Variants in TRIM49B observed in about 807,000 individuals in gnomAD.
TRIM49B encodes the protein putative tripartite motif-containing protein 49B.
Under a neutral mutation model 31.8 loss-of-function variants are expected in TRIM49B, and 18 were observed. The ratio of observed to expected loss-of-function variants is 0.57; its 90% CI spans 0.39 to 0.84. The LOEUF is 0.84. Among genes scored for constraint, TRIM49B ranks in the 40% least tolerant of loss-of-function variants. The pLI, the probability that TRIM49B is intolerant of heterozygous loss-of-function variation, is 0.00. For synonymous variants in TRIM49B, 196 were observed against 180.6 expected (o/e 1.09, Z -0.68); for missense variants, 494 against 538.7 (o/e 0.92, Z 0.82).
rs1565091936 is a variant in TRIM49B, at chr11:49,032,340, AT to A, written c.477del (p.Asn159LysfsTer14). On this transcript the variant is annotated frameshift_variant, in exon 3 of 7. Transcript: ENST00000332682. LOFTEE classifies it high-confidence loss of function. ...GCTTGTGAAAATCACAGAAACCTGAATGTGGAAACCACCAGAACCAGATGCT... is the reference window on the plus strand; with the variant it reads ...GCTTGTGAAAATCACAGAAACCTGAAGTGGAAACCACCAGAACCAGATGCT... ...EKACENHRNL[N>X]VETTRTRCWK... 1 of 1,613,474 alleles carries A rather than the reference AT, an allele frequency of 6.2e-7. No homozygotes were observed. Among genetic ancestry groups the A allele is most frequent in the East Asian group, 2.2e-5 (1 of 44,838 alleles).
At chr11:49,030,286 G>A (rs1448851423) in intron 1 of TRIM49B, among the ~76,000 whole-genome samples, 1 of 152,036 alleles carries the variant, frequency 6.6e-6, no homozygotes, top group Admixed American at 6.6e-5. Flanking sequence ...ACAGTGAGCC[G>A]AGATCACGCC....
intron 5 of TRIM49B, among the ~76,000 whole-genome samples, chr11:49,036,088 A>AG (rs1316881153): frequency 6.6e-6 from 1 of 151,716 alleles, no homozygotes. Flanking sequence ...GGCAAAAAAA[A>AG]AGAAGGATCA....
In TRIM49B at chr11:49,035,097, T is replaced by G. The variant is rs767925561; in HGVS notation, c.741T>G (p.Ala247=). Residue 247 remains alanine, a splice_region_variant and synonymous_variant, in exon 5 of 7, where the codon GCT becomes GCG. Coordinates refer to ENST00000332682, the MANE Select transcript of TRIM49B (RefSeq NM_001206626.2). The part of the protein sequence containing the change: ...CHKPDVELLQ[A]FGDILHRSES... ...TCTCTTTTTTTTTTTTTTTTCAGGC[T>G]TTTGGAGACATATTACACAGGTGAG... 9 of 1,589,578 alleles carry G rather than the reference T, an allele frequency of 5.7e-6. No individual in the cohort carries two copies. The highest frequency in any genetic ancestry group is 7.7e-6 in the Non-Finnish European group (9 of 1,164,986).
In TRIM49B at chr11:49,032,261, A is replaced by G. The variant is rs773796665; in HGVS notation, c.412-15A>G. 45 of 1,612,608 alleles carry G rather than the reference A, an allele frequency of 2.8e-5. No individual in the cohort carries two copies. The highest frequency in any genetic ancestry group is 3.7e-5 in the Non-Finnish European group (44 of 1,179,796). On this transcript the variant is annotated splice_polypyrimidine_tract_variant and intron_variant, in intron 2 of 6. Transcript: ENST00000332682. ...ATGGTCTGCACTGGTGCTTCAATTTATGGCTCTTTTGCAGGAGAAGCTTTT... is the reference window on the plus strand; with the variant it reads ...ATGGTCTGCACTGGTGCTTCAATTTGTGGCTCTTTTGCAGGAGAAGCTTTT...
chr11:49,037,717 C>T lies in TRIM49B; in HGVS notation c.1099C>T (p.Gln367Ter). Residue 367 changes from glutamine (Q) to a stop codon, truncating the protein, a stop_gained, in exon 7 of 7, where the codon CAG (glutamine) becomes TAG (stop). Transcript: ENST00000332682. LOFTEE classifies it low-confidence loss of function (END_TRUNC). The stretch of plus-strand genomic sequence containing the variant: ...TAATATGTATTGGAAAGAGAAGAAT[C>T]AGAATGAGAAGATAGATGGAGAGGA... ...VCNMYWKEKN[Q>*]NEKIDGEDGL... 6.2e-7 allele frequency: 1 copy of T among 1,613,864 alleles called. No individual in the cohort carries two copies. Among genetic ancestry groups the T allele is most frequent in the African/African-American group, 1.3e-5 (1 of 74,984 alleles).
chr11:49,037,070 A>G (rs1854540358), intron 6 of TRIM49B, among the ~76,000 whole-genome samples: 2 of 152,210 alleles, frequency 1.3e-5, no homozygotes, highest in African/African-American at 4.8e-5. Context: ...GTAAATATGG[A>G]CTTTTATCCA....
intron 1 of TRIM49B, among the ~76,000 whole-genome samples, chr11:49,029,640 T>A (rs4291676): frequency 6.6e-6 from 1 of 152,112 alleles, no homozygotes; most frequent in Middle Eastern, 3.2e-3. Flanking sequence ...GAAGTGATAT[T>A]AAACTAGCAG....
At chr11:49,032,185 C>A (rs1050489088) in intron 2 of TRIM49B, 91 bp from the exon 3 acceptor site, 3 of 1,608,578 alleles carry the variant, frequency 1.9e-6, no homozygotes, top group Non-Finnish European at 2.5e-6. Flanking sequence ...AAAGGAAATG[C>A]CATTTACTAG....
intron 1 of TRIM49B, among the ~76,000 whole-genome samples, chr11:49,030,054 C>A (rs1854425876): frequency 6.6e-6 from 1 of 152,156 alleles, no homozygotes; most frequent in Non-Finnish European, 1.5e-5. Flanking sequence ...AACCACCTGG[C>A]TGGGCACTGT....
At chr11:49,033,266 G>T (rs1854476920) in intron 3 of TRIM49B, among the ~76,000 whole-genome samples, 1 of 152,114 alleles carries the variant, frequency 6.6e-6, no homozygotes, top group Non-Finnish European at 1.5e-5. Flanking sequence ...GAATAATCAA[G>T]CAGGGAAGTA....
chr11:49,036,506 A>G (rs1490034352), intron 6 of TRIM49B, 108 bp downstream of exon 6: 4 of 681,826 alleles, frequency 5.9e-6, no homozygotes, highest in South Asian at 4.0e-5. Flanking sequence ...CTTTTAAGAC[A>G]TAAGTGAACA....
rs1485334388 is a variant in TRIM49B at position 49,037,797 on chromosome 11, C to T, written c.1179C>T (p.Thr393=). The T allele has an allele frequency of 2.5e-6, 4 of 1,613,874 alleles. No homozygotes were observed. Among genetic ancestry groups the T allele is most frequent in the Non-Finnish European group, 3.4e-6 (4 of 1,179,856 alleles). Reference sequence around the variant, plus strand: ...ATGACATTCAACGCAGTCTCTTTACCACCTCCCCACTTCTGCTGCAATATA... The same window carrying T: ...ATGACATTCAACGCAGTCTCTTTACTACCTCCCCACTTCTGCTGCAATATA... ...VKNDIQRSLF[T]TSPLLLQYIP... The change falls in exon 7 of 7, where the codon ACC becomes ACT. Residue 393 remains threonine, a synonymous_variant. Coordinates refer to ENST00000332682, the MANE Select transcript of TRIM49B (RefSeq NM_001206626.2).
At chr11:49,033,254 G>C (rs1342708866) in intron 3 of TRIM49B, among the ~76,000 whole-genome samples, 1 of 152,100 alleles carries the variant, frequency 6.6e-6, no homozygotes, top group African/African-American at 2.4e-5. Flanking sequence ...TTTTTTGTTG[G>C]AGAATAATCA....
rs780376978 is a variant in TRIM49B at position 49,034,188 on chromosome 11, C to G, written c.550C>G (p.Gln184Glu). ...LRLEAIRAEY[Q>E]KMPAFHHEEE... Reference sequence around the variant, plus strand: ...GCTAGAAGCAATTAGAGCTGAGTATCAGAAGATGCCTGCATTTCACCATGA... The same window carrying G: ...GCTAGAAGCAATTAGAGCTGAGTATGAGAAGATGCCTGCATTTCACCATGA... The change falls in exon 4 of 7, where the codon CAG becomes GAG. Residue 184 changes from glutamine to glutamate, a missense_variant. By Grantham distance (29) the Gln-to-Glu change is conservative (BLOSUM62 2). Coordinates refer to ENST00000332682, the MANE Select transcript of TRIM49B (RefSeq NM_001206626.2). 28 of 1,611,736 alleles carry G rather than the reference C, an allele frequency of 1.7e-5. No individual in the cohort carries two copies. The highest frequency in any genetic ancestry group is 6.6e-5 in the South Asian group (6 of 90,970).
chr11:49,030,255 C>T (rs1047527201), intron 1 of TRIM49B, among the ~76,000 whole-genome samples: 20 of 152,134 alleles, frequency 1.3e-4, no homozygotes, highest in Non-Finnish European at 2.9e-4. Flanking sequence ...GAGAATCACT[C>T]TGAACCTGGA....
chr11:49,035,168 T>C lies in TRIM49B; in HGVS notation c.761+51T>C. On this transcript the variant is annotated intron_variant, in intron 5 of 6. Transcript: ENST00000332682. Reference sequence around the variant, plus strand: ...TATGTTCTTTAAGATTCCACGACTATCAAAGCAGGCTTTATTAAAGTCATG... The same window carrying C: ...TATGTTCTTTAAGATTCCACGACTACCAAAGCAGGCTTTATTAAAGTCATG... 5.0e-6 allele frequency: 8 copies of C among 1,605,674 alleles called. No individual in the cohort carries two copies. The South Asian group carries it at 7.8e-5, about 16-fold the overall frequency.
At position 49,035,339 on chromosome 11, in the gene TRIM49B, A is replaced by ATTTTTTTTTTTTTTTTTTTTT. The variant is rs1162056301; in HGVS notation, c.761+240_761+260dup. On this transcript the variant is annotated intron_variant, in intron 5 of 6. Coordinates refer to ENST00000332682, the MANE Select transcript of TRIM49B (RefSeq NM_001206626.2). ...ACTAAAACAAACAATTTGATTCCTG[A>ATTTTTTTTTTTTTTTTTTTTT]TTTTTTTTTTTTTTTTTTTTTTTTT... 3.3e-4 allele frequency among the ~76,000 whole-genome samples: 19 copies of ATTTTTTTTTTTTTTTTTTTTT among 56,810 alleles called. 3 individuals carry two copies. The highest frequency in any genetic ancestry group is 5.5e-4 in the Admixed American group (2 of 3,610). The allele number at this position is 56,810 out of a possible 152,430, so 37.3% of individuals were successfully genotyped here. A position where few individuals can be genotyped will look rare whatever the true frequency, so the allele number is the denominator to read the frequency against.
chr11:49,031,948 A>G lies in TRIM49B; in HGVS notation c.349A>G (p.Ser117Gly). The change falls in exon 2 of 7, where the codon AGC (serine) becomes GGC (glycine). Residue 117 changes from serine (S) to glycine (G), a missense_variant. Coordinates refer to ENST00000332682, the MANE Select transcript of TRIM49B (RefSeq NM_001206626.2). ...GAGCCTGCTCTGTTTGCTGTGCTCC[A>G]GCTCTCAGGAGCACCGGGATCACAG... ...DRSLLCLLCSSSQEHRDHRHC... is the reference protein window; with the variant it reads ...DRSLLCLLCSGSQEHRDHRHC... 1.2e-6 allele frequency: 2 copies of G among 1,612,064 alleles called. No individual in the cohort carries two copies. Among genetic ancestry groups the G allele is most frequent in the South Asian group, 1.1e-5 (1 of 90,992 alleles).
At chr11:49,030,518 G>A (rs1023044619) in intron 1 of TRIM49B, among the ~76,000 whole-genome samples, 2 of 151,954 alleles carry the variant, frequency 1.3e-5, no homozygotes, top group African/African-American at 2.4e-5. Flanking sequence ...TGAGAATACC[G>A]GTATCCTGGC....
Sources: allele counts gnomAD v4.1 joint callset (sites outside exome capture counted in the v4.1 genomes callset), GRCh38; gene constraint gnomAD v4.1.1; transcripts MANE v1.5; gene names NCBI Gene and HGNC (gene_info 2026-07-23, HGNC 2026-07-21).